The following ADAMTS18 variants were observed in gnomAD, a reference collection of about 807,000 sequenced individuals.
ADAMTS18 encodes the protein ADAM metallopeptidase with thrombospondin type 1 motif 18.
Under a neutral mutation model 165.9 loss-of-function variants are expected in ADAMTS18, and 157 were observed. The observed-to-expected ratio is 0.95, with a 90% CI of 0.83 to 1.08. The LOEUF (loss-of-function observed/expected upper bound fraction) is 1.08, where lower values mean the gene tolerates loss of function less well. ADAMTS18 is among the 50% of genes least tolerant of loss of function. ADAMTS18 has a pLI of 0.00. For missense variants in ADAMTS18, 2,040 were observed against 1,534.0 expected, an observed-to-expected ratio of 1.33 and a Z score of -5.51; for synonymous variants, 782 against 578.2, an observed-to-expected ratio of 1.35 and a Z score of -5.06.
intron 21 of ADAMTS18, among the ~76,000 whole-genome samples, chr16:77,289,669 A>G (rs144242864): frequency 1.7e-3 from 253 of 152,358 alleles, no homozygotes; most frequent in African/African-American, 5.1e-3. Context: ...TGACTCACTC[A>G]TAAAGAAGAG....
intron 3 of ADAMTS18, among the ~76,000 whole-genome samples, chr16:77,393,915 C>T (rs2057223538): frequency 1.3e-5 from 2 of 152,194 alleles, no homozygotes; most frequent in South Asian, 4.1e-4. Context: ...ACATATCCAT[C>T]CAGTAGGATT....
intron 16 of ADAMTS18, among the ~76,000 whole-genome samples, chr16:77,315,642 T>C (rs1293141243): frequency 1.3e-5 from 2 of 152,210 alleles, no homozygotes; most frequent in Non-Finnish European, 2.9e-5. Context: ...TGCTCCTCTT[T>C]ATTGGTGGTG....
chr16:77,424,035 C>T (rs2057639013), intron 3 of ADAMTS18, among the ~76,000 whole-genome samples: 1 of 152,188 alleles, frequency 6.6e-6, no homozygotes, highest in Admixed American at 6.5e-5. Context: ...AATCATAAAT[C>T]TTCACAATCT....
At chr16:77,307,230 G>A (rs770625611) in intron 16 of ADAMTS18, among the ~76,000 whole-genome samples, 9 of 152,244 alleles carry the variant, frequency 5.9e-5, no homozygotes, top group Non-Finnish European at 8.8e-5. Context: ...TGTGTCTCAC[G>A]GAAAGAATGG....
intron 3 of ADAMTS18, among the ~76,000 whole-genome samples, chr16:77,369,232 C>G (rs959557187): frequency 1.3e-5 from 2 of 152,082 alleles, no homozygotes; most frequent in African/African-American, 4.8e-5. Context: ...TTATTTTAAT[C>G]TTTTTTTCAT....
intron 3 of ADAMTS18, among the ~76,000 whole-genome samples, chr16:77,371,752 A>G (rs546127519): frequency 1.3e-5 from 2 of 152,334 alleles, no homozygotes; most frequent in African/African-American, 4.8e-5. Context: ...ACAGGCAACA[A>G]AAGCAAAAAC....
At chr16:77,431,642 C>T in intron 2 of ADAMTS18, 31 bp from the exon 3 acceptor site, 1 of 1,609,642 alleles carries the variant, frequency 6.2e-7, no homozygotes, top group Non-Finnish European at 8.5e-7. Flanking sequence ...CTGTCAGCAC[C>T]CAGAGCCCAC....
chr16:77,394,613 A>AT (rs1232810866), intron 3 of ADAMTS18, among the ~76,000 whole-genome samples: 4 of 152,240 alleles, frequency 2.6e-5, no homozygotes, highest in Admixed American at 6.5e-5. Context: ...ACAGATTAAG[A>AT]TAAACACTTA....
chr16:77,431,708 A>G (rs901185281), intron 2 of ADAMTS18, 97 bp from the exon 3 acceptor site: 61 of 1,281,260 alleles, frequency 4.8e-5, no homozygotes, highest in East Asian at 2.8e-4. Context: ...AAGCTCAAAG[A>G]TATCTTTGTT....
intron 3 of ADAMTS18, among the ~76,000 whole-genome samples, chr16:77,375,862 G>A (rs1010373266): frequency 6.6e-6 from 1 of 150,922 alleles, no homozygotes. Flanking sequence ...AGAAGGCAAA[G>A]GGTTTTATGT....
At chr16:77,383,694 C>T (rs753257329) in intron 3 of ADAMTS18, among the ~76,000 whole-genome samples, 2 of 152,088 alleles carry the variant, frequency 1.3e-5, no homozygotes, top group Admixed American at 6.5e-5. Context: ...AGGCACCCAC[C>T]ACCACGCCTG....
At chr16:77,353,330 T>C (rs375538731) in intron 10 of ADAMTS18, among the ~76,000 whole-genome samples, 2 of 152,188 alleles carry the variant, frequency 1.3e-5, no homozygotes, top group African/African-American at 4.8e-5. Context: ...TAGCTGCTAA[T>C]AGTTATCCCA....
intron 3 of ADAMTS18, among the ~76,000 whole-genome samples, chr16:77,386,205 T>G (rs2057105178): frequency 6.6e-6 from 1 of 152,360 alleles, no homozygotes; most frequent in Admixed American, 6.5e-5. Context: ...AGTGTTTTGA[T>G]GCTGCTGCAT....
At chr16:77,356,150 A>G in intron 8 of ADAMTS18, 73 bp from the exon 9 acceptor site, 1 of 1,596,892 alleles carries the variant, frequency 6.3e-7, no homozygotes, top group Non-Finnish European at 8.6e-7. Context: ...GAGGAAGAAT[A>G]AAGATGTATT....
chr16:77,360,722 G>A (rs2056700364), intron 7 of ADAMTS18, among the ~76,000 whole-genome samples: 1 of 152,152 alleles, frequency 6.6e-6, no homozygotes, highest in Non-Finnish European at 1.5e-5. Flanking sequence ...TGTGATTAAT[G>A]GTTAATTGTT....
At position 77,367,598 on chromosome 16, in the gene ADAMTS18, T is replaced by C; in HGVS notation, c.621A>G (p.Ala207=). ...CACGGTACCGCTGGATCTTCTCCTC[T>C]GCTGTCCTTTTGTACAGTACGTGAG... ...HHPHVLYKRT[A]EEKIQRYRGY... The change falls in exon 4 of 23, where the codon GCA becomes GCG. Residue 207 remains alanine (A), a synonymous_variant. Transcript: ENST00000282849. 1 of 1,614,238 alleles carries C rather than the reference T, an allele frequency of 6.2e-7. No homozygotes were observed. Among genetic ancestry groups the C allele is most frequent in the East Asian group, 2.2e-5 (1 of 44,882 alleles).
chr16:77,333,877 GTA>G (rs1457043260), intron 12 of ADAMTS18, among the ~76,000 whole-genome samples: 1 of 95,864 alleles, frequency 1.0e-5, no homozygotes, highest in Non-Finnish European at 2.2e-5. Context: ...ATTATATATA[GTA>G]TATTAGTATA....
At chr16:77,334,084 TGTTA>T (rs1228448484) in intron 12 of ADAMTS18, among the ~76,000 whole-genome samples, 4 of 109,712 alleles carry the variant, frequency 3.6e-5, no homozygotes, top group Non-Finnish European at 5.2e-5. Context: ...TAATATACAG[TGTTA>T]TATATTATAT....
At chr16:77,417,497 A>G (rs1162055309) in intron 3 of ADAMTS18, among the ~76,000 whole-genome samples, 1 of 152,198 alleles carries the variant, frequency 6.6e-6, no homozygotes, top group East Asian at 1.9e-4. Context: ...CTGTTAGCTG[A>G]TGGGTCTATT....
Sources: allele counts gnomAD v4.1 joint callset (sites outside exome capture counted in the v4.1 genomes callset), GRCh38; gene constraint gnomAD v4.1.1; transcripts MANE v1.5; gene names NCBI Gene and HGNC (gene_info 2026-07-23, HGNC 2026-07-21).